PLXNA2: variants seen among roughly 807,000 people sequenced by gnomAD.
PLXNA2 encodes plexin A2, also known as plexin-A2.
PLXNA2 carries 91 observed loss-of-function variants against 193.5 expected under a neutral mutation model. The ratio of observed to expected loss-of-function variants is 0.47; its 90% CI spans 0.40 to 0.56. The LOEUF (loss-of-function observed/expected upper bound fraction) is 0.56, where lower values mean the gene tolerates loss of function less well. Ranked by LOEUF, PLXNA2 falls within the 20% of genes least tolerant of loss-of-function variation. PLXNA2 has a pLI of 0.00. For synonymous variants in PLXNA2, 997 were observed against 1,027.3 expected (o/e 0.97, Z 0.56); for missense variants, 1,995 against 2,503.2 (o/e 0.80, Z 4.33).
intron 4 of PLXNA2, among the ~76,000 whole-genome samples, chr1:208,106,980 G>T (rs1667289713): frequency 6.6e-6 from 1 of 152,206 alleles, no homozygotes; most frequent in Admixed American, 6.5e-5. Context: ...GGGAGGGATG[G>T]TGCAAGTCTG....
At chr1:208,081,682 T>C (rs776030077) in intron 11 of PLXNA2, among the ~76,000 whole-genome samples, 2 of 152,186 alleles carry the variant, frequency 1.3e-5, no homozygotes, top group African/African-American at 4.8e-5. Context: ...AGTACATACC[T>C]CTCAGAGTTA....
chr1:208,219,471 T>G (rs1209929749), intron 1 of PLXNA2, among the ~76,000 whole-genome samples: 1 of 152,188 alleles, frequency 6.6e-6, no homozygotes, highest in Non-Finnish European at 1.5e-5. Context: ...AGCAACCTTC[T>G]CAGGCAAGTC....
intron 3 of PLXNA2, among the ~76,000 whole-genome samples, chr1:208,209,665 C>T (rs530903790): frequency 5.3e-5 from 8 of 152,222 alleles, no homozygotes; most frequent in Middle Eastern, 3.4e-3. Flanking sequence ...CTGGGAGGCG[C>T]AAGGTAAAAT....
At chr1:208,146,749 G>A (rs1298082815) in intron 3 of PLXNA2, among the ~76,000 whole-genome samples, 2 of 152,184 alleles carry the variant, frequency 1.3e-5, no homozygotes, top group Non-Finnish European at 2.9e-5. Flanking sequence ...TGCATGCGGT[G>A]CAACACCAAG....
At chr1:208,088,195 C>T (rs890283340) in intron 9 of PLXNA2, among the ~76,000 whole-genome samples, 11 of 152,136 alleles carry the variant, frequency 7.2e-5, no homozygotes, top group Admixed American at 3.9e-4. Flanking sequence ...CCAGGGGTGG[C>T]GGTAGGCTGG....
At chr1:208,049,566 G>T (rs1356539122) in intron 17 of PLXNA2, among the ~76,000 whole-genome samples, 7 of 152,184 alleles carry the variant, frequency 4.6e-5, no homozygotes, top group African/African-American at 1.7e-4. Flanking sequence ...ATCTCCAGCA[G>T]GATGGTAATG....
chr1:208,233,111 G>A (rs1233473329), intron 1 of PLXNA2, among the ~76,000 whole-genome samples: 2 of 152,084 alleles, frequency 1.3e-5, no homozygotes, highest in African/African-American at 4.8e-5. Flanking sequence ...GATAGCTCTG[G>A]CTAATCTCTC....
intron 9 of PLXNA2, among the ~76,000 whole-genome samples, chr1:208,092,448 G>A (rs1380797722): frequency 6.6e-6 from 1 of 152,216 alleles, no homozygotes. Context: ...TAGACTCAAA[G>A]AATAAATGCC....
intron 17 of PLXNA2, among the ~76,000 whole-genome samples, chr1:208,048,246 C>A (rs542047378): frequency 6.6e-6 from 1 of 152,294 alleles, no homozygotes; most frequent in South Asian, 2.1e-4. Context: ...CTCTGGCCCT[C>A]CTAGCTATCC....
In PLXNA2 at chr1:208,084,384, C is replaced by A. The variant is rs1348292043; in HGVS notation, c.2294G>T (p.Ser765Ile). ...FNSSSVQCQN[S>I]SYQYDGMDIS... ...GCCCAGCCTGCGTTTTCTTACCGAG[C>A]TGTTCTGACACTGAACGCTGGAGCT... is the stretch of plus-strand genomic sequence containing the variant. Residue 765 changes from serine to isoleucine, a missense_variant, in exon 10 of 32, where the codon AGC (serine) becomes ATC (isoleucine). This residue lies in a region of PLXNA2 where 1,291 missense variants were observed against 1,673.6 expected (regional missense o/e 0.77). Transcript: ENST00000367033. 2 of 1,614,210 alleles carry A rather than the reference C, an allele frequency of 1.2e-6. No individual in the cohort carries two copies. The highest frequency in any genetic ancestry group is 3.3e-5 in the Admixed American group (2 of 60,034).
At chr1:208,081,350 G>A (rs537584912) in intron 11 of PLXNA2, among the ~76,000 whole-genome samples, 6 of 152,326 alleles carry the variant, frequency 3.9e-5, no homozygotes, top group African/African-American at 1.4e-4. Context: ...CCCCTGCTAT[G>A]GCCTTGCCCC....
intron 3 of PLXNA2, among the ~76,000 whole-genome samples, chr1:208,162,878 C>T (rs1369619399): frequency 2.6e-5 from 4 of 152,174 alleles, no homozygotes; most frequent in African/African-American, 9.7e-5. Context: ...GTGCACACTG[C>T]CTCTAACAAA....
intron 4 of PLXNA2, among the ~76,000 whole-genome samples, chr1:208,104,487 T>A (rs183349882): frequency 1.3e-5 from 2 of 152,246 alleles, no homozygotes; most frequent in East Asian, 3.9e-4. Context: ...TGTGTGGGAT[T>A]GCTGTGAGTG....
intron 22 of PLXNA2, chr1:208,040,283 T>C: frequency 1.7e-6 from 1 of 572,798 alleles, no homozygotes; most frequent in Non-Finnish European, 3.1e-6. Flanking sequence ...AATGGAGAGG[T>C]TGGCCTTTTC....
At chr1:208,159,639 G>C (rs966475838) in intron 3 of PLXNA2, among the ~76,000 whole-genome samples, 1 of 152,266 alleles carries the variant, frequency 6.6e-6, no homozygotes, top group Non-Finnish European at 1.5e-5. Flanking sequence ...AAAGTCTGGT[G>C]CTACCGTGAC....
rs945030153 is a variant in PLXNA2, at chr1:208,178,354, C to A, written c.1371+31926G>T. 7.9e-5 allele frequency among the ~76,000 whole-genome samples: 12 copies of A among 152,288 alleles called. 1 individual carries two copies. The highest frequency in any genetic ancestry group is 3.4e-3 in the Middle Eastern group (1 of 294). On this transcript the variant is annotated intron_variant, in intron 3 of 31. Coordinates refer to ENST00000367033, the MANE Select transcript of PLXNA2 (RefSeq NM_025179.4). ...TTGTCACTTTCTGCTGAGCCTGAAG[C>A]TCAGCTAGAGGAACAGGTGGGGAAG...
chr1:208,121,297 G>A (rs973355077), intron 4 of PLXNA2, among the ~76,000 whole-genome samples: 1 of 152,146 alleles, frequency 6.6e-6, no homozygotes, highest in Non-Finnish European at 1.5e-5. Flanking sequence ...TTATACACCA[G>A]GGAAGGTCAG....
intron 3 of PLXNA2, among the ~76,000 whole-genome samples, chr1:208,162,994 G>C (rs990649111): frequency 6.6e-6 from 1 of 152,222 alleles, no homozygotes; most frequent in Non-Finnish European, 1.5e-5. Flanking sequence ...TCACTGAGGA[G>C]GTGTGATATA....
Position 208,044,697 on chromosome 1 carries a change from T to C in PLXNA2, c.3685A>G (p.Ile1229Val), listed in dbSNP as rs759686550. 3 of 1,614,090 alleles carry C rather than the reference T, an allele frequency of 1.9e-6. No homozygotes were observed. The highest frequency in any genetic ancestry group is 2.5e-6 in the Non-Finnish European group (3 of 1,180,038). ...MVFSPGSVSV[I>V]SDSLLTLPAI... The stretch of plus-strand genomic sequence containing the variant: ...GGCAGGGTCAGCAAGCTGTCTGAGA[T>C]GACACTCACCGAGCCAGGCGAGAAC... The change falls in exon 20 of 32, where the codon ATC becomes GTC. Residue 1229 changes from isoleucine to valine, a missense_variant. Physicochemically the swap from Ile to Val is conservative, Grantham distance 29. This residue lies in a region of PLXNA2 where 1,291 missense variants were observed against 1,673.6 expected (regional missense o/e 0.77). Transcript: ENST00000367033. The surrounding 1 kb of genome is among the most constrained non-coding windows in gnomAD (Gnocchi z 4.9).
Sources: allele counts gnomAD v4.1 joint callset (sites outside exome capture counted in the v4.1 genomes callset), GRCh38; gene constraint gnomAD v4.1.1; regional missense constraint gnomAD v4.1.1; non-coding constraint Gnocchi (gnomAD v3.1); transcripts MANE v1.5; gene names NCBI Gene and HGNC (gene_info 2026-07-23, HGNC 2026-07-21).